Variants in NFIB observed in about 807,000 individuals in gnomAD.
NFIB encodes the protein nuclear factor 1 B-type.
A neutral mutation model predicts 61.5 loss-of-function variants in NFIB; 11 were observed. The observed-to-expected ratio is 0.18, with a 90% CI of 0.11 to 0.30. The LOEUF is 0.30. Among genes scored for constraint, NFIB ranks in the 10% least tolerant of loss-of-function variants. The pLI is 1.00. For synonymous variants in NFIB, 260 were observed against 216.5 expected, an observed-to-expected ratio of 1.20 and a Z score of -1.76; for missense variants, 471 against 608.9, an observed-to-expected ratio of 0.77 and a Z score of 2.38.
chr9:14,179,177 C>T (rs958406602), intron 3 of NFIB, among the ~76,000 whole-genome samples: 9 of 151,650 alleles, frequency 5.9e-5, no homozygotes, highest in African/African-American at 2.2e-4. Context: ...CTTCTGAAAA[C>T]AAAGAGGGTA....
At chr9:14,111,928 T>G (rs1438763500) in intron 10 of NFIB, among the ~76,000 whole-genome samples, 1 of 152,156 alleles carries the variant, frequency 6.6e-6, no homozygotes, top group African/African-American at 2.4e-5. Context: ...GGGCTGCAAC[T>G]GGAAAGGACT....
In NFIB at chr9:14,198,234, A is replaced by G. The variant is rs533150149; in HGVS notation, c.563-18454T>C. ...AGGCCCATCACACTGCACGTCTCCA[A>G]GGAGCATGATTCACAGTGTGGGCTA... On this transcript the variant is annotated intron_variant, in intron 2 of 10. Coordinates refer to ENST00000380953, the MANE Select transcript of NFIB (RefSeq NM_001190737.2). 7.9e-5 allele frequency among the ~76,000 whole-genome samples: 12 copies of G among 152,324 alleles called. No individual in the cohort carries two copies. In the East Asian group the frequency reaches 2.3e-3, roughly 29 times the overall value.
At chr9:14,395,572 A>C (rs2061674794) in intron 1 of NFIB, among the ~76,000 whole-genome samples, 1 of 151,750 alleles carries the variant, frequency 6.6e-6, no homozygotes, top group Admixed American at 6.6e-5. Flanking sequence ...ATAAAACTGA[A>C]ATGTAAGCCG....
chr9:14,196,129 A>G (rs75213028), intron 2 of NFIB, among the ~76,000 whole-genome samples: 1,813 of 151,962 alleles, frequency 0.012, 37 homozygotes, highest in African/African-American at 0.041. Flanking sequence ...TCACCTGTTT[A>G]CCTGGATTAG....
At chr9:14,385,860 G>A (rs2061543797) in intron 1 of NFIB, among the ~76,000 whole-genome samples, 1 of 149,826 alleles carries the variant, frequency 6.7e-6, no homozygotes, top group African/African-American at 2.5e-5. Flanking sequence ...TCAGCTCACT[G>A]AAACCTCCAT....
intron 1 of NFIB, among the ~76,000 whole-genome samples, chr9:14,385,827 G>C (rs2061543370): frequency 6.7e-6 from 1 of 149,438 alleles, no homozygotes; most frequent in African/African-American, 2.5e-5. Flanking sequence ...CTGTTTCCCA[G>C]GCTGGAGTGC....
intron 2 of NFIB, among the ~76,000 whole-genome samples, chr9:14,286,797 C>G (rs1333498898): frequency 1.3e-5 from 2 of 151,034 alleles, no homozygotes. Context: ...AGCCGCTTCA[C>G]TGCAGACAGA....
At chr9:14,299,607 C>A (rs1246461570) in intron 2 of NFIB, among the ~76,000 whole-genome samples, 2 of 152,096 alleles carry the variant, frequency 1.3e-5, no homozygotes. Context: ...TTCTGAACTG[C>A]CTTAAAATAG....
chr9:14,182,986 C>T (rs1200878447), intron 2 of NFIB, among the ~76,000 whole-genome samples: 2 of 151,620 alleles, frequency 1.3e-5, no homozygotes, highest in Admixed American at 6.6e-5. Context: ...AAGCATAGAG[C>T]CACATTTAAA....
chr9:14,471,084 G>C, the NFIB span, among the ~76,000 whole-genome samples: 1 of 152,218 alleles, frequency 6.6e-6, no homozygotes, highest in South Asian at 2.1e-4. Flanking sequence ...TATCTCTACA[G>C]TAAGCATATG....
the NFIB span, among the ~76,000 whole-genome samples, chr9:14,476,956 CTACTTCTTATTATATAAAGAAT>C: frequency 2.0e-5 from 3 of 152,150 alleles, no homozygotes; most frequent in Non-Finnish European, 1.5e-5. Context: ...AAGACTAAAG[CTACTTCTTATTATATAAAGAAT>C]TTGAATCTCT....
intron 2 of NFIB, among the ~76,000 whole-genome samples, chr9:14,197,767 T>G (rs1435654000): frequency 6.6e-6 from 1 of 152,178 alleles, no homozygotes; most frequent in African/African-American, 2.4e-5. Context: ...CTGCAGCGCT[T>G]TAGCAAATTT....
At chr9:14,139,136 G>A (rs1431670349) in intron 6 of NFIB, among the ~76,000 whole-genome samples, 1 of 152,144 alleles carries the variant, frequency 6.6e-6, no homozygotes, top group African/African-American at 2.4e-5. Flanking sequence ...TAGGCAGGCT[G>A]CAGGATAACA....
At chr9:14,161,971 T>C (rs117325301) in intron 3 of NFIB, among the ~76,000 whole-genome samples, 266 of 152,306 alleles carry the variant, frequency 1.7e-3, no homozygotes, top group Non-Finnish European at 2.9e-3. Context: ...TTGTTTTTAA[T>C]TGTGGCAAGT....
chr9:14,197,567 A>C (rs535063188), intron 2 of NFIB, among the ~76,000 whole-genome samples: 42 of 152,352 alleles, frequency 2.8e-4, no homozygotes, highest in Non-Finnish European at 4.3e-4. Context: ...ATTACTATTT[A>C]TAAAAGACTG....
At chr9:14,147,967 T>C (rs1478421328) in intron 5 of NFIB, among the ~76,000 whole-genome samples, 1 of 151,910 alleles carries the variant, frequency 6.6e-6, no homozygotes, top group Non-Finnish European at 1.5e-5. Context: ...AATATGGAAA[T>C]ATGACTCATC....
At chr9:14,509,993 T>A in the NFIB span, among the ~76,000 whole-genome samples, 2 of 152,140 alleles carry the variant, frequency 1.3e-5, no homozygotes, top group Non-Finnish European at 2.9e-5. Flanking sequence ...GCTTCCCAGG[T>A]TCAAGTGATT....
At chr9:14,227,025 G>A (rs757481184) in intron 2 of NFIB, among the ~76,000 whole-genome samples, 38 of 151,374 alleles carry the variant, frequency 2.5e-4, no homozygotes, top group African/African-American at 8.8e-4. Flanking sequence ...TCTGTAATCC[G>A]AGCTACTTGG....
intron 1 of NFIB, chr9:14,357,332 T>C (rs1243942798): frequency 6.6e-6 from 1 of 152,148 alleles, no homozygotes; most frequent in Non-Finnish European, 1.5e-5. Flanking sequence ...GTATACTTTA[T>C]ATGTGGAGAG....
Sources: gnomAD v4.1 joint callset for allele counts (sites outside exome capture counted in the v4.1 genomes callset) on GRCh38, gnomAD v4.1.1 for gene constraint, MANE v1.5 for transcripts, NCBI Gene and HGNC (gene_info 2026-07-23, HGNC 2026-07-21) for gene names.